The following DTNB variants were observed in gnomAD, a reference collection of about 807,000 sequenced individuals.
DTNB encodes DTN-B.
In DTNB, 63 loss-of-function variants were observed where a neutral mutation model predicts 90.7. The observed-to-expected ratio is 0.69, with a 90% confidence interval of 0.57 to 0.86. The LOEUF (loss-of-function observed/expected upper bound fraction) is 0.86, where lower values mean the gene tolerates loss of function less well. Ranked by LOEUF, DTNB falls within the 40% of genes least tolerant of loss-of-function variation. The pLI, the probability that DTNB is intolerant of heterozygous loss-of-function variation, is 0.00. For missense variants in DTNB, 744 were observed against 807.1 expected, an observed-to-expected ratio of 0.92 and a Z score of 0.95; for synonymous variants, 277 against 286.7, an observed-to-expected ratio of 0.97 and a Z score of 0.34.
chr2:25,600,251 T>C (rs556808095), intron 5 of DTNB, among the ~76,000 whole-genome samples: 1 of 152,386 alleles, frequency 6.6e-6, no homozygotes, highest in Non-Finnish European at 1.5e-5. Flanking sequence ...GCCCGACTGC[T>C]GGGAATGACT....
At chr2:25,568,965 G>C (rs922133216) in intron 8 of DTNB, among the ~76,000 whole-genome samples, 2 of 152,244 alleles carry the variant, frequency 1.3e-5, no homozygotes, top group Non-Finnish European at 2.9e-5. Context: ...CTGCTGTCTG[G>C]ATGCCTCCTC....
intron 5 of DTNB, among the ~76,000 whole-genome samples, chr2:25,606,137 C>A: frequency 6.6e-6 from 1 of 151,866 alleles, no homozygotes; most frequent in East Asian, 1.9e-4. Context: ...AGTAATCTTG[C>A]CGAAAAACTT....
chr2:25,418,746 T>A (rs544256544), intron 16 of DTNB, among the ~76,000 whole-genome samples: 1 of 152,112 alleles, frequency 6.6e-6, no homozygotes, highest in South Asian at 2.1e-4. Context: ...TTTGTATTTA[T>A]CTCCCAAAGG....
intron 10 of DTNB, among the ~76,000 whole-genome samples, chr2:25,458,248 T>C (rs1049529440): frequency 2.0e-5 from 3 of 152,180 alleles, no homozygotes; most frequent in African/African-American, 7.2e-5. Flanking sequence ...TAGTTCTGTT[T>C]AGAAATAACT....
chr2:25,524,330 G>C (rs1376298989), intron 9 of DTNB, among the ~76,000 whole-genome samples: 1 of 148,096 alleles, frequency 6.8e-6, no homozygotes, highest in Non-Finnish European at 1.5e-5. Flanking sequence ...ATCCTCAAAA[G>C]TTATCTAGTC....
intron 14 of DTNB, among the ~76,000 whole-genome samples, chr2:25,428,181 G>A (rs1169298465): frequency 2.0e-5 from 3 of 151,952 alleles, no homozygotes; most frequent in Non-Finnish European, 4.4e-5. Context: ...TCTTGTCTCT[G>A]TCTCTTTTTT....
intron 10 of DTNB, among the ~76,000 whole-genome samples, chr2:25,456,716 G>C (rs1040199825): frequency 6.6e-6 from 1 of 151,970 alleles, no homozygotes; most frequent in Non-Finnish European, 1.5e-5. Flanking sequence ...GGGATTACAG[G>C]CGTGCACCAC....
At chr2:25,611,871 T>C (rs908059033) in intron 4 of DTNB, among the ~76,000 whole-genome samples, 40 of 152,100 alleles carry the variant, frequency 2.6e-4, no homozygotes, top group Admixed American at 2.6e-3. Context: ...AATAAAGGAA[T>C]TATTAAGAAA....
intron 9 of DTNB, among the ~76,000 whole-genome samples, chr2:25,526,396 T>TATATATATATATA (rs1491443224): frequency 4.0e-4 from 14 of 34,950 alleles, no homozygotes; most frequent in African/African-American, 2.0e-3. Context: ...TATATATATA[T>TATATATATATATA]TTTTTTTTTT....
At chr2:25,411,765 G>A (rs187756958) in intron 16 of DTNB, among the ~76,000 whole-genome samples, 45 of 152,296 alleles carry the variant, frequency 3.0e-4, no homozygotes, top group Non-Finnish European at 3.1e-4. Flanking sequence ...ATTTGATGGT[G>A]GTATTTGTGT....
At chr2:25,529,448 T>C (rs2077734172) in intron 9 of DTNB, among the ~76,000 whole-genome samples, 1 of 151,944 alleles carries the variant, frequency 6.6e-6, no homozygotes, top group South Asian at 2.1e-4. Context: ...CACTATAATG[T>C]TGAGAGGCAG....
At chr2:25,607,997 G>C (rs888732304) in intron 4 of DTNB, among the ~76,000 whole-genome samples, 1 of 152,134 alleles carries the variant, frequency 6.6e-6, no homozygotes. Context: ...CACACCACCA[G>C]CAGAACCAAG....
intron 10 of DTNB, among the ~76,000 whole-genome samples, chr2:25,481,403 T>C (rs1468085648): frequency 2.0e-5 from 1 of 50,610 alleles, no homozygotes. Context: ...AGACAGTGTC[T>C]CCAAATTTAA....
rs1019712333 is a variant in DTNB at position 25,424,802 on chromosome 2, G to A, written c.1554+2733C>T. Among the ~76,000 whole-genome samples, 2 of 152,038 alleles carry A rather than the reference G, an allele frequency of 1.3e-5. No homozygotes were observed. Among genetic ancestry groups the A allele is most frequent in the East Asian group, 3.9e-4 (2 of 5,174 alleles). On this transcript the variant is annotated intron_variant, in intron 15 of 20. Coordinates refer to ENST00000406818, the MANE Select transcript of DTNB (RefSeq NM_021907.5). This position sits in a 1 kb window ranked among gnomAD's most constrained non-coding sequence, Gnocchi z 4.1. Reference sequence around the variant, plus strand: ...CCCACCTCAGCCTCCTGAGTAGCTGGGATTATAGGCACGTGCCACCGTGCC... The same window carrying A: ...CCCACCTCAGCCTCCTGAGTAGCTGAGATTATAGGCACGTGCCACCGTGCC...
chr2:25,511,592 A>C (rs1318340236), intron 9 of DTNB, among the ~76,000 whole-genome samples: 1 of 152,190 alleles, frequency 6.6e-6, no homozygotes, highest in Non-Finnish European at 1.5e-5. Flanking sequence ...TCGGCCTCCC[A>C]AAGTGCTGGG....
At chr2:25,467,940 A>C (rs2062091882) in intron 10 of DTNB, among the ~76,000 whole-genome samples, 1 of 152,088 alleles carries the variant, frequency 6.6e-6, no homozygotes, top group African/African-American at 2.4e-5. Context: ...ACAAGTATAC[A>C]CATGGTATAC....
At chr2:25,609,241 G>A (rs1300602502) in intron 4 of DTNB, among the ~76,000 whole-genome samples, 1 of 152,180 alleles carries the variant, frequency 6.6e-6, no homozygotes, top group Non-Finnish European at 1.5e-5. Context: ...CTAACCTGAA[G>A]TAAAGTGGCC....
Position 25,580,702 on chromosome 2 carries a change from C to A in DTNB, c.709+19G>T. The A allele has an allele frequency of 6.2e-7, 1 of 1,603,686 alleles. No individual in the cohort carries two copies. The highest frequency in any genetic ancestry group is 8.5e-7 in the Non-Finnish European group (1 of 1,170,768). On this transcript the variant is annotated intron_variant, in intron 7 of 20. Coordinates refer to ENST00000406818, the MANE Select transcript of DTNB (RefSeq NM_021907.5). Reference sequence around the variant, plus strand: ...ACTTTCTATAGCATGCGGAATTGAACAATAAAAGTTCTGCTTACCATTCTC... The same window carrying A: ...ACTTTCTATAGCATGCGGAATTGAAAAATAAAAGTTCTGCTTACCATTCTC...
Position 25,534,484 on chromosome 2 carries a change from G to A in DTNB, c.877-2887C>T, listed in dbSNP as rs1041259455. Among the ~76,000 whole-genome samples, 8 of 152,138 alleles carry A rather than the reference G, an allele frequency of 5.3e-5. No homozygotes were observed. In the East Asian group the frequency reaches 5.8e-4, roughly 11 times the overall value. ...TTTTCTTTTCGACAAAACCGCCATC[G>A]TCGTCATGGCCTGTTCTCAGTGGTC... is the stretch of plus-strand genomic sequence containing the variant. On this transcript the variant is annotated intron_variant, in intron 8 of 20. Transcript: ENST00000406818.
Sources: gnomAD v4.1 joint callset for allele counts (sites outside exome capture counted in the v4.1 genomes callset) on GRCh38, gnomAD v4.1.1 for gene constraint, Gnocchi (gnomAD v3.1) non-coding constraint, MANE v1.5 for transcripts, NCBI Gene and HGNC (gene_info 2026-07-23, HGNC 2026-07-21) for gene names.